Variants in SLC25A21 observed in about 807,000 individuals in gnomAD.
SLC25A21 encodes mitochondrial 2-oxodicarboxylate carrier.
In SLC25A21, 47 loss-of-function variants were observed where a neutral mutation model predicts 43.8. The observed-to-expected ratio is 1.07, with a 90% CI of 0.85 to 1.37. SLC25A21 has a LOEUF of 1.37. SLC25A21 is among the 40% of genes most tolerant of loss of function. The probability of loss-of-function intolerance (pLI) is 0.00; values close to 1 mark genes in which losing one functional copy is unlikely to be tolerated. For missense variants in SLC25A21, 352 were observed against 350.2 expected, an observed-to-expected ratio of 1.00 and a Z score of -0.04; for synonymous variants, 131 against 121.3, an observed-to-expected ratio of 1.08 and a Z score of -0.52.
At chr14:36,716,102 A>G (rs1386006799) in intron 6 of SLC25A21, among the ~76,000 whole-genome samples, 1 of 152,174 alleles carries the variant, frequency 6.6e-6, no homozygotes, top group Non-Finnish European at 1.5e-5. Flanking sequence ...AAAATAATAA[A>G]TAAATAAATA....
chr14:37,073,701 T>G (rs536638220), intron 1 of SLC25A21, among the ~76,000 whole-genome samples: 15 of 152,318 alleles, frequency 9.8e-5, no homozygotes, highest in Admixed American at 9.1e-4. Context: ...GCATCGTTCC[T>G]GAAGCCAACA....
intron 1 of SLC25A21, among the ~76,000 whole-genome samples, chr14:37,052,440 T>G (rs1285048666): frequency 1.3e-5 from 2 of 152,214 alleles, no homozygotes; most frequent in Non-Finnish European, 2.9e-5. Context: ...GACACAGATT[T>G]TGGAACTAAT....
intron 1 of SLC25A21, among the ~76,000 whole-genome samples, chr14:37,110,812 C>A (rs1389242986): frequency 6.6e-6 from 1 of 152,126 alleles, no homozygotes; most frequent in Non-Finnish European, 1.5e-5. Context: ...CTGCTTGAAC[C>A]AGCACTTTTC....
intron 1 of SLC25A21, among the ~76,000 whole-genome samples, chr14:37,106,416 C>T (rs1043625702): frequency 2.6e-5 from 4 of 151,948 alleles, no homozygotes; most frequent in African/African-American, 4.8e-5. Context: ...CTGTCTTATG[C>T]GGTTGAGATA....
At chr14:36,919,263 G>C (rs913489374) in intron 1 of SLC25A21, among the ~76,000 whole-genome samples, 3 of 151,982 alleles carry the variant, frequency 2.0e-5, no homozygotes, top group Admixed American at 6.6e-5. Context: ...TAGAAATTAT[G>C]AAATCGTATA....
chr14:36,811,471 T>C (rs2138441368), intron 3 of SLC25A21, among the ~76,000 whole-genome samples: 1 of 152,128 alleles, frequency 6.6e-6, no homozygotes, highest in East Asian at 1.9e-4. Flanking sequence ...GCCAACACGG[T>C]GAGGCCCCGT....
chr14:36,954,413 A>G (rs1461817593), intron 1 of SLC25A21, among the ~76,000 whole-genome samples: 1 of 151,998 alleles, frequency 6.6e-6, no homozygotes, highest in Non-Finnish European at 1.5e-5. Flanking sequence ...CTCTAGCTTG[A>G]CTTCCCAACG....
intron 1 of SLC25A21, among the ~76,000 whole-genome samples, chr14:36,909,366 A>G (rs1425885565): frequency 6.6e-6 from 1 of 152,184 alleles, no homozygotes; most frequent in African/African-American, 2.4e-5. Context: ...CCCAAGGAGC[A>G]CCAATTCCCT....
In SLC25A21 at chr14:36,724,316, G is replaced by A. The variant is rs1884496027; in HGVS notation, c.438+1254C>T. Among the ~76,000 whole-genome samples, 3 of 152,254 alleles carry A rather than the reference G, an allele frequency of 2.0e-5. 1 individual carries two copies. The highest frequency in any genetic ancestry group is 6.8e-3 in the Middle Eastern group (2 of 294). On this transcript the variant is annotated intron_variant, in intron 6 of 9. Transcript: ENST00000331299. ...CTCAGGTCTTGGCAGCTAAAGGTGA[G>A]TAGGGCCCCCCTCCTTCCCCATACC...
At chr14:36,995,638 T>C (rs1465897566) in intron 1 of SLC25A21, among the ~76,000 whole-genome samples, 1 of 152,176 alleles carries the variant, frequency 6.6e-6, no homozygotes, top group African/African-American at 2.4e-5. Context: ...AAGTTAAAAA[T>C]GTAAGTCACA....
chr14:37,045,200 G>A (rs1355959135), intron 1 of SLC25A21, among the ~76,000 whole-genome samples: 1 of 152,164 alleles, frequency 6.6e-6, no homozygotes, highest in Non-Finnish European at 1.5e-5. Context: ...AGAAAAGCAA[G>A]GCTAAACAGT....
chr14:36,851,070 T>C (rs1395477446), intron 2 of SLC25A21, among the ~76,000 whole-genome samples: 4 of 152,216 alleles, frequency 2.6e-5, no homozygotes, highest in Admixed American at 2.6e-4. Context: ...AGGGAATTGC[T>C]TGGTATCTCT....
At chr14:37,129,726 G>A (rs556998666) in intron 1 of SLC25A21, among the ~76,000 whole-genome samples, 2 of 150,572 alleles carry the variant, frequency 1.3e-5, no homozygotes, top group East Asian at 3.9e-4. Flanking sequence ...ATTCCATTGG[G>A]TGCCTATAGC....
intron 1 of SLC25A21, among the ~76,000 whole-genome samples, chr14:36,920,316 C>T (rs928434238): frequency 6.6e-6 from 1 of 152,010 alleles, no homozygotes; most frequent in African/African-American, 2.4e-5. Context: ...AACTGATATT[C>T]ACACAGGAGA....
intron 6 of SLC25A21, among the ~76,000 whole-genome samples, chr14:36,720,264 C>T (rs1225767847): frequency 6.6e-6 from 1 of 152,176 alleles, no homozygotes; most frequent in African/African-American, 2.4e-5. Context: ...TGCTGCAGTG[C>T]CCCTCTCAGC....
At chr14:37,136,452 A>T (rs1239698155) in intron 1 of SLC25A21, among the ~76,000 whole-genome samples, 1 of 152,214 alleles carries the variant, frequency 6.6e-6, no homozygotes, top group Admixed American at 6.5e-5. Flanking sequence ...AATTAAAGAC[A>T]TGGATATTCC....
intron 1 of SLC25A21, among the ~76,000 whole-genome samples, chr14:36,897,543 G>C (rs1026586506): frequency 1.2e-4 from 19 of 152,172 alleles, no homozygotes; most frequent in Non-Finnish European, 2.2e-4. Context: ...ACTCATCAAA[G>C]TCATTCTACG....
At chr14:37,010,620 TATGAGA>T (rs1324151624) in intron 1 of SLC25A21, among the ~76,000 whole-genome samples, 4 of 152,132 alleles carry the variant, frequency 2.6e-5, no homozygotes, top group African/African-American at 9.7e-5. Flanking sequence ...GTCTACCAAT[TATGAGA>T]GTGAGCAAGA....
chr14:36,811,376 T>C (rs962240364), intron 3 of SLC25A21, among the ~76,000 whole-genome samples: 3 of 151,940 alleles, frequency 2.0e-5, no homozygotes, highest in Admixed American at 1.3e-4. Context: ...ATTGGCTGGG[T>C]GTGGTGGCTC....
Sources: allele counts gnomAD v4.1 joint callset (sites outside exome capture counted in the v4.1 genomes callset), GRCh38; gene constraint gnomAD v4.1.1; transcripts MANE v1.5; gene names NCBI Gene and HGNC (gene_info 2026-07-23, HGNC 2026-07-21).